The following RBFOX1 variants were observed in gnomAD, a reference collection of about 807,000 sequenced individuals.
RBFOX1 encodes the protein RNA binding protein fox-1 homolog 1.
In RBFOX1, 8 loss-of-function variants were observed where a neutral mutation model predicts 57.7. That is an observed-to-expected ratio of 0.14 (90% CI 0.08 to 0.25). The LOEUF (loss-of-function observed/expected upper bound fraction) is 0.25. RBFOX1 is among the 10% of genes least tolerant of loss of function. The pLI, the probability that RBFOX1 is intolerant of heterozygous loss-of-function variation, is 1.00. For missense variants in RBFOX1, 611 were observed against 548.5 expected, an observed-to-expected ratio of 1.11 and a Z score of -1.14; for synonymous variants, 326 against 222.4, an observed-to-expected ratio of 1.47 and a Z score of -4.15.
chr16:6,721,412 C>T (rs1230891760), intron 3 of RBFOX1, among the ~76,000 whole-genome samples: 2 of 152,214 alleles, frequency 1.3e-5, no homozygotes, highest in Non-Finnish European at 1.5e-5. Flanking sequence ...CACTGCACTC[C>T]AGCCTGGGGG....
At chr16:5,440,888 G>T (rs1268081605) in intron 1 of RBFOX1, among the ~76,000 whole-genome samples, 5 of 152,166 alleles carry the variant, frequency 3.3e-5, no homozygotes, top group African/African-American at 4.8e-5. Flanking sequence ...GTCCAAAAAG[G>T]TTAAGTGATT....
chr16:6,580,790 C>G (rs577559639), intron 2 of RBFOX1, among the ~76,000 whole-genome samples: 6 of 152,244 alleles, frequency 3.9e-5, no homozygotes, highest in African/African-American at 1.4e-4. Context: ...AGTTTAGATT[C>G]AGACACAGAT....
intron 4 of RBFOX1, among the ~76,000 whole-genome samples, chr16:7,410,485 C>G (rs1475621717): frequency 6.6e-6 from 1 of 152,156 alleles, no homozygotes; most frequent in Non-Finnish European, 1.5e-5. Flanking sequence ...AGTTCGAGAC[C>G]AGCCTGACCA....
chr16:7,701,063 G>A (rs2080523971), intron 14 of RBFOX1, among the ~76,000 whole-genome samples: 1 of 152,154 alleles, frequency 6.6e-6, no homozygotes, highest in Non-Finnish European at 1.5e-5. Flanking sequence ...CTACTTCTCA[G>A]GGGAGGCAGG....
At chr16:7,558,839 A>G (rs903325405) in intron 5 of RBFOX1, among the ~76,000 whole-genome samples, 3 of 152,250 alleles carry the variant, frequency 2.0e-5, no homozygotes, top group Non-Finnish European at 4.4e-5. Context: ...AAATAAGTAT[A>G]TGAAAATACT....
intron 4 of RBFOX1, among the ~76,000 whole-genome samples, chr16:5,971,074 T>A (rs370244942): frequency 1.3e-5 from 2 of 152,350 alleles, no homozygotes; most frequent in African/African-American, 4.8e-5. Context: ...TCCTGTCCCC[T>A]TTCGATCTTT....
At chr16:6,475,971 C>T (rs1597787797) in intron 2 of RBFOX1, among the ~76,000 whole-genome samples, 2 of 152,082 alleles carry the variant, frequency 1.3e-5, no homozygotes, top group Non-Finnish European at 2.9e-5. Flanking sequence ...CAATTAGATG[C>T]TGGAGTTTTC....
intron 2 of RBFOX1, among the ~76,000 whole-genome samples, chr16:6,583,354 A>G (rs954258586): frequency 1.3e-5 from 2 of 152,180 alleles, no homozygotes; most frequent in African/African-American, 4.8e-5. Flanking sequence ...GTGCAGAGCA[A>G]TGGGCCTGCT....
chr16:7,524,864 G>C (rs2078325375), intron 5 of RBFOX1, among the ~76,000 whole-genome samples: 1 of 152,172 alleles, frequency 6.6e-6, no homozygotes, highest in South Asian at 2.1e-4. Context: ...GAATCACTAA[G>C]GTATAGGAAA....
chr16:7,423,534 GT>G (rs376247816), intron 4 of RBFOX1, among the ~76,000 whole-genome samples: 4 of 152,164 alleles, frequency 2.6e-5, no homozygotes, highest in African/African-American at 9.6e-5. Flanking sequence ...TAAAACTTCT[GT>G]CACCATCTGT....
chr16:6,982,492 G>C (rs530778353), intron 3 of RBFOX1, among the ~76,000 whole-genome samples: 1 of 152,244 alleles, frequency 6.6e-6, no homozygotes, highest in African/African-American at 2.4e-5. Context: ...TCGTTGACGA[G>C]GTGGATCCTG....
At chr16:5,547,895 C>T (rs968419870) in intron 2 of RBFOX1, among the ~76,000 whole-genome samples, 1 of 152,030 alleles carries the variant, frequency 6.6e-6, no homozygotes, top group African/African-American at 2.4e-5. Context: ...CACGGTGGCT[C>T]ATGCCTGTAA....
intron 3 of RBFOX1, among the ~76,000 whole-genome samples, chr16:6,934,112 C>G (rs1275421792): frequency 1.3e-5 from 2 of 152,154 alleles, no homozygotes; most frequent in Non-Finnish European, 2.9e-5. Flanking sequence ...CAATGCTCCT[C>G]TGCCACCCAT....
chr16:6,064,657 C>G, intron 1 of RBFOX1, among the ~76,000 whole-genome samples: 1 of 152,264 alleles, frequency 6.6e-6, no homozygotes, highest in Middle Eastern at 3.4e-3. Context: ...TCTCCTGCCT[C>G]AGCCTCCCAA....
In RBFOX1 at chr16:7,012,525, C is replaced by G. The variant is rs141292847; in HGVS notation, c.-15-39532C>G. ...TGCCTGGAACAGACAGTGAGAAAAA[C>G]AAGGACATTGGAACACCTTATTTCT... On this transcript the variant is annotated intron_variant, in intron 3 of 15. Transcript: ENST00000550418. 2.2e-3 allele frequency among the ~76,000 whole-genome samples: 339 copies of G among 152,290 alleles called. 2 individuals are homozygous for G. The highest frequency in any genetic ancestry group is 8.0e-3 in the African/African-American group (332 of 41,572).
chr16:6,654,274 C>T (rs1009134010), intron 2 of RBFOX1, among the ~76,000 whole-genome samples: 3 of 152,206 alleles, frequency 2.0e-5, no homozygotes, highest in East Asian at 3.8e-4. Flanking sequence ...AAGGCAGTCT[C>T]TGCTGATGTG....
At chr16:7,140,104 TTCTC>T (rs2073261457) in intron 4 of RBFOX1, among the ~76,000 whole-genome samples, 1 of 135,314 alleles carries the variant, frequency 7.4e-6, no homozygotes. Flanking sequence ...TGTTCTCTCT[TTCTC>T]TCTGCATGAA....
At chr16:7,183,250 C>T (rs2083080854) in intron 4 of RBFOX1, among the ~76,000 whole-genome samples, 1 of 152,132 alleles carries the variant, frequency 6.6e-6, no homozygotes, top group Non-Finnish European at 1.5e-5. Flanking sequence ...AAAAAGAAGC[C>T]ATGGTGAATC....
At chr16:7,034,827 C>CTTTTTTTTTTTCTTTTTTTTTTTTTT (rs2043824001) in intron 3 of RBFOX1, among the ~76,000 whole-genome samples, 1 of 54,114 alleles carries the variant, frequency 1.8e-5, no homozygotes, top group African/African-American at 8.9e-5. Context: ...TATTGCATTA[C>CTTTTTTTTTTTCTTTTTTTTTTTTTT]TTTTTTTTTT....
Sources: gnomAD v4.1 joint callset for allele counts (sites outside exome capture counted in the v4.1 genomes callset) on GRCh38, gnomAD v4.1.1 for gene constraint, MANE v1.5 for transcripts, NCBI Gene and HGNC (gene_info 2026-07-23, HGNC 2026-07-21) for gene names.